The following ERI1 variants were observed in gnomAD, a reference collection of about 807,000 sequenced individuals.
ERI1 encodes 3'-5' exoribonuclease 1.
A neutral mutation model predicts 39.7 loss-of-function variants in ERI1; 39 were observed. The ratio of observed to expected loss-of-function variants is 0.98; its 90% CI spans 0.76 to 1.28. ERI1 has a LOEUF of 1.28. Among genes scored for constraint, ERI1 ranks in the 50% most tolerant of loss-of-function variants. The pLI is 0.00. For missense variants in ERI1, 581 were observed against 416.9 expected (o/e 1.39, Z -3.43); for synonymous variants, 204 against 149.6 (o/e 1.36, Z -2.65).
intron 3 of ERI1, among the ~76,000 whole-genome samples, chr8:9,045,422 T>C (rs996387732): frequency 6.6e-6 from 1 of 151,884 alleles, no homozygotes; most frequent in Non-Finnish European, 1.5e-5. Flanking sequence ...CACGAATAGA[T>C]AGCTTAATAG....
At chr8:9,021,784 T>G (rs1401884077) in intron 6 of ERI1, among the ~76,000 whole-genome samples, 2 of 147,742 alleles carry the variant, frequency 1.4e-5, no homozygotes, top group Non-Finnish European at 3.0e-5. Flanking sequence ...GTTTTTTTTT[T>G]TTTTTCAATA....
chr8:9,006,414 C>T lies in ERI1; in HGVS notation c.109-1556C>T. Among the ~76,000 whole-genome samples the T allele has an allele frequency of 1.3e-5, 2 of 152,154 alleles. 1 individual carries two copies. Among genetic ancestry groups the T allele is most frequent in the Admixed American group, 1.3e-4 (2 of 15,278 alleles). Reference sequence around the variant, plus strand: ...GCTACAGTTTAGGATGAGAATTAACCAGTGAATCAGAAAGAGGATTTATCC... The same window carrying T: ...GCTACAGTTTAGGATGAGAATTAACTAGTGAATCAGAAAGAGGATTTATCC... On this transcript the variant is annotated intron_variant, in intron 1 of 6. Transcript: ENST00000250263.
chr8:9,012,001 T>C (rs1158261717), intron 3 of ERI1, among the ~76,000 whole-genome samples: 1 of 150,796 alleles, frequency 6.6e-6, no homozygotes, highest in Non-Finnish European at 1.5e-5. Context: ...AACATCTGGG[T>C]GTGGACATCA....
chr8:9,006,259 C>G (rs937694996), intron 1 of ERI1, among the ~76,000 whole-genome samples: 2 of 152,166 alleles, frequency 1.3e-5, no homozygotes, highest in African/African-American at 2.4e-5. Context: ...CCTCGGCTGT[C>G]TCTAGAACTT....
chr8:9,065,561 G>T (rs1004491912), intron 3 of ERI1, among the ~76,000 whole-genome samples: 2 of 151,920 alleles, frequency 1.3e-5, no homozygotes, highest in South Asian at 2.1e-4. Flanking sequence ...CAGGCGTAGT[G>T]GGGGGCGCCT....
rs1297031408 is a variant in ERI1, at chr8:9,002,897, A to C, written c.-167A>C. The C allele has an allele frequency of 1.4e-5, 6 of 440,734 alleles. No homozygotes were observed. Among genetic ancestry groups the C allele is most frequent in the Non-Finnish European group, 2.2e-5 (6 of 267,056 alleles). The allele number at this position is 440,734 out of a possible 1,614,324, so 27.3% of individuals were successfully genotyped here. ...TGCGCCTGCCCGGCGTGTGGACGCC[A>C]CACGCTCCCGGAAGTGGGAGGTGGC... On this transcript the variant is annotated 5_prime_UTR_variant, in exon 1 of 7. Transcript: ENST00000250263.
chr8:9,005,336 A>G (rs759378570), intron 1 of ERI1, among the ~76,000 whole-genome samples: 8 of 152,132 alleles, frequency 5.3e-5, no homozygotes, highest in Non-Finnish European at 7.3e-5. Flanking sequence ...TTTGTAGCTT[A>G]CTGTTAAAAT....
intron 6 of ERI1, among the ~76,000 whole-genome samples, chr8:9,029,360 G>A (rs530447433): frequency 1.4e-4 from 21 of 151,978 alleles, no homozygotes; most frequent in African/African-American, 4.6e-4. Context: ...ATGGAGTCTC[G>A]CTCTGTTGTT....
At position 9,030,311 on chromosome 8, in the gene ERI1, TTC is replaced by T. The variant is rs1797498938; in HGVS notation, c.*279_*280del. 1 of 361,762 alleles carries T rather than the reference TTC, an allele frequency of 2.8e-6. No homozygotes were observed. The highest frequency in any genetic ancestry group is 5.1e-5 in the South Asian group (1 of 19,622). 22.4% of individuals were successfully genotyped at this position (361,762 alleles called of 1,614,324 possible). A position where few individuals can be genotyped will look rare whatever the true frequency, so the allele number is the denominator to read the frequency against. On this transcript the variant is annotated 3_prime_UTR_variant, in exon 7 of 7. Coordinates refer to ENST00000250263, the MANE Select transcript of ERI1 (RefSeq NM_153332.4). Reference sequence around the variant, plus strand: ...TATAATTTAAGGTGTTCAAGATATATTCTTTTTGGTTTTAAAATGCAAAATCT... The same window carrying T: ...TATAATTTAAGGTGTTCAAGATATATTTTTTGGTTTTAAAATGCAAAATCT...
At chr8:9,015,657 G>C (rs1316123126) in intron 3 of ERI1, among the ~76,000 whole-genome samples, 2 of 142,782 alleles carry the variant, frequency 1.4e-5, no homozygotes, top group African/African-American at 5.3e-5. Flanking sequence ...GGGAGGCGGA[G>C]CTTGCAGTGA....
chr8:9,004,805 A>T (rs1292356385), intron 1 of ERI1, among the ~76,000 whole-genome samples: 1 of 150,136 alleles, frequency 6.7e-6, no homozygotes, highest in Non-Finnish European at 1.5e-5. Context: ...CTCGTGCCTC[A>T]GCCTCCCTAG....
At chr8:9,076,919 A>G (rs1234473686) in intron 3 of ERI1, among the ~76,000 whole-genome samples, 2 of 152,206 alleles carry the variant, frequency 1.3e-5, no homozygotes, top group Non-Finnish European at 2.9e-5. Context: ...GAGATTTATT[A>G]TAAGGCCACA....
intron 3 of ERI1, among the ~76,000 whole-genome samples, chr8:9,092,469 T>C (rs1563100918): frequency 1.3e-5 from 2 of 152,230 alleles, no homozygotes; most frequent in Non-Finnish European, 2.9e-5. Flanking sequence ...ACTGGTTCAT[T>C]GGTTAAGTAG....
intron 3 of ERI1, among the ~76,000 whole-genome samples, chr8:9,093,251 A>C (rs1344838018): frequency 6.6e-6 from 1 of 152,218 alleles, no homozygotes; most frequent in East Asian, 1.9e-4. Flanking sequence ...AAAGCTGATT[A>C]GCTTTAAAAA....
chr8:9,042,024 G>A (rs921975921), intron 3 of ERI1, among the ~76,000 whole-genome samples: 25 of 152,092 alleles, frequency 1.6e-4, no homozygotes, highest in Non-Finnish European at 1.5e-5. Context: ...ATGAGCCACC[G>A]CACCCAGCCA....
At chr8:9,083,847 G>A (rs1383179524) in intron 3 of ERI1, among the ~76,000 whole-genome samples, 1 of 151,962 alleles carries the variant, frequency 6.6e-6, no homozygotes, top group African/African-American at 2.4e-5. Flanking sequence ...AGGCTGGAGT[G>A]CAGTGGTGTG....
chr8:9,002,928 G>C lies in ERI1; in HGVS notation c.-136G>C, dbSNP rs1054780900. 7.1e-6 allele frequency: 4 copies of C among 562,952 alleles called. No individual in the cohort carries two copies. The highest frequency in any genetic ancestry group is 8.8e-5 in the Admixed American group (2 of 22,754). 34.9% of individuals were successfully genotyped at this position (562,952 alleles called of 1,614,324 possible). A position where few individuals can be genotyped will look rare whatever the true frequency, so the allele number is the denominator to read the frequency against. ...TCCCGGAAGTGGGAGGTGGCCGCTG[G>C]AGTTTGTGTGGCCGCCGCCGCGGGA... is the stretch of plus-strand genomic sequence containing the variant. On this transcript the variant is annotated 5_prime_UTR_variant, in exon 1 of 7. Transcript: ENST00000250263.
rs1347991545 is a variant in ERI1, at chr8:9,030,967, C to G, written c.*933C>G. ...ACTAGTGAAGTTAGTCAATAAAAGA[C>G]TTGTTTTTCTGATTTTACATAGTAA... On this transcript the variant is annotated 3_prime_UTR_variant, in exon 7 of 7. Transcript: ENST00000250263. 1 of 152,092 alleles carries G rather than the reference C, an allele frequency of 6.6e-6. No homozygotes were observed. The highest frequency in any genetic ancestry group is 1.5e-5 in the Non-Finnish European group (1 of 67,976). 9.4% of individuals were successfully genotyped at this position (152,092 alleles called of 1,614,324 possible).
chr8:9,019,534 A>C (rs1817664511), intron 5 of ERI1, among the ~76,000 whole-genome samples: 1 of 152,200 alleles, frequency 6.6e-6, no homozygotes, highest in African/African-American at 2.4e-5. Context: ...AAACCTATGC[A>C]ATTTTGTAAC....
Sources: allele counts gnomAD v4.1 joint callset (sites outside exome capture counted in the v4.1 genomes callset), GRCh38; gene constraint gnomAD v4.1.1; transcripts MANE v1.5; gene names NCBI Gene and HGNC (gene_info 2026-07-23, HGNC 2026-07-21).